ZNF410: variants seen among roughly 807,000 people sequenced by gnomAD.
The protein encoded by ZNF410 is another partner for ARF 1.
ZNF410 carries 18 observed loss-of-function variants against 54.8 expected under a neutral mutation model. That is an observed-to-expected ratio of 0.33 (90% CI 0.23 to 0.49). The LOEUF is 0.49. Ranked by LOEUF, ZNF410 falls within the 20% of genes least tolerant of loss-of-function variation. The pLI is 0.99. For missense variants in ZNF410, 405 were observed against 569.6 expected (o/e 0.71, Z 2.94); for synonymous variants, 191 against 207.3 (o/e 0.92, Z 0.68).
At chr14:73,900,895 G>T in intron 5 of ZNF410, among the ~76,000 whole-genome samples, 1 of 152,158 alleles carries the variant, frequency 6.6e-6, no homozygotes, top group East Asian at 1.9e-4. Flanking sequence ...TTTATGTGTG[G>T]TCCAAGACAT....
intron 5 of ZNF410, among the ~76,000 whole-genome samples, chr14:73,901,300 G>C (rs1273737790): frequency 6.6e-6 from 1 of 152,166 alleles, no homozygotes; most frequent in Non-Finnish European, 1.5e-5. Flanking sequence ...GCCGGGCGCA[G>C]TGGTTCACAC....
intron 1 of ZNF410, among the ~76,000 whole-genome samples, chr14:73,889,303 A>G (rs1443799012): frequency 6.6e-6 from 1 of 152,036 alleles, no homozygotes; most frequent in Non-Finnish European, 1.5e-5. Context: ...CCTCCCTAGT[A>G]GCTAGGACCA....
chr14:73,900,549 T>A (rs908809099), intron 5 of ZNF410, among the ~76,000 whole-genome samples: 3 of 151,920 alleles, frequency 2.0e-5, no homozygotes, highest in Non-Finnish European at 4.4e-5. Flanking sequence ...AATTTTTGTA[T>A]TTCTAGTAGA....
chr14:73,906,311 T>A (rs2055490034), intron 7 of ZNF410: 2 of 151,622 alleles, frequency 1.3e-5, no homozygotes, highest in Admixed American at 1.3e-4. Context: ...GCCTATACTT[T>A]TTTTTTTTAA....
Position 73,931,623 on chromosome 14 carries a change from C to G in ZNF410, c.*82C>G. 1 of 1,287,456 alleles carries G rather than the reference C, an allele frequency of 7.8e-7. No homozygotes were observed. Among genetic ancestry groups the G allele is most frequent in the South Asian group, 1.2e-5 (1 of 80,210 alleles). The allele number at this position is 1,287,456 out of a possible 1,614,324, so 79.8% of individuals were successfully genotyped here. A position where few individuals can be genotyped will look rare whatever the true frequency, so the allele number is the denominator to read the frequency against. The stretch of plus-strand genomic sequence containing the variant: ...GGGAACAGGATGCCTTAGCCCACAA[C>G]AGAACCAGAATGAATCTTTGAAGGC... On this transcript the variant is annotated 3_prime_UTR_variant, in exon 12 of 12. Coordinates refer to ENST00000555044, the MANE Select transcript of ZNF410 (RefSeq NM_021188.3).
rs1300201557 is a variant in ZNF410 at position 73,893,849 on chromosome 14, T to C, written c.86T>C (p.Val29Ala). The change falls in exon 3 of 12, where the codon GTA (valine) becomes GCA (alanine). Residue 29 changes from valine to alanine, a missense_variant. Val to Ala is a moderately conservative substitution (Grantham distance 64). Around this residue, in one of 3 missense-constraint regions of ZNF410, gnomAD observed 247 missense variants for 342.8 expected, o/e 0.72. Transcript: ENST00000555044. Reference protein sequence around the residue: ...NTSIPLGQGLVESEAKDITCL... With the variant: ...NTSIPLGQGLAESEAKDITCL... ...TCCATCCCATTGGGACAGGGGCTTG[T>C]AGAATCAGAAGCTAAAGATATTACT... is the stretch of plus-strand genomic sequence containing the variant. 1.9e-6 allele frequency: 3 copies of C among 1,614,146 alleles called. No homozygotes were observed. The highest frequency in any genetic ancestry group is 8.5e-7 in the Non-Finnish European group (1 of 1,180,016).
chr14:73,923,302 G>C (rs1398946552), intron 10 of ZNF410, 93 bp from the exon 11 acceptor site: 1 of 1,371,874 alleles, frequency 7.3e-7, no homozygotes. Flanking sequence ...TAGAGGAATA[G>C]AGTTTTAGAG....
intron 2 of ZNF410, 80 bp downstream of exon 2, chr14:73,892,288 C>T (rs2055242047): frequency 7.0e-7 from 1 of 1,438,720 alleles, no homozygotes; most frequent in African/African-American, 1.4e-5. Context: ...GGTCAGCAAA[C>T]TTTTTCTTTA....
At chr14:73,891,691 A>G (rs749431306) in intron 1 of ZNF410, among the ~76,000 whole-genome samples, 3 of 152,092 alleles carry the variant, frequency 2.0e-5, no homozygotes, top group Non-Finnish European at 2.9e-5. Context: ...GCCATATTTA[A>G]TCAACCATTC....
chr14:73,911,720 T>C (rs1302594576), intron 8 of ZNF410, among the ~76,000 whole-genome samples: 1 of 152,208 alleles, frequency 6.6e-6, no homozygotes, highest in East Asian at 1.9e-4. Flanking sequence ...ATGTTCAGTT[T>C]TTTCTACTTG....
chr14:73,901,761 CAA>C (rs902763178), intron 5 of ZNF410, among the ~76,000 whole-genome samples: 1 of 143,020 alleles, frequency 7.0e-6, no homozygotes, highest in Non-Finnish European at 1.5e-5. Context: ...CCCATCTCTA[CAA>C]AAAAAAAATA....
chr14:73,914,689 C>G (rs977975076), intron 8 of ZNF410: 1 of 136,736 alleles, frequency 7.3e-6, no homozygotes, highest in East Asian at 2.2e-4. Flanking sequence ...AGTGCAATGG[C>G]GTAATCTGGG....
chr14:73,932,051 A>G lies in ZNF410; in HGVS notation c.*510A>G, dbSNP rs749513187. On this transcript the variant is annotated 3_prime_UTR_variant, in exon 12 of 12. Transcript: ENST00000555044. ...CTCCCTTTAGCAACCTGAGTAAGAG[A>G]CTCTCTGCCACTGGGCTGCAAAAAA... 1 of 455,266 alleles carries G rather than the reference A, an allele frequency of 2.2e-6. No individual in the cohort carries two copies. Among genetic ancestry groups the G allele is most frequent in the Non-Finnish European group, 4.4e-6 (1 of 226,078 alleles). 28.2% of individuals were successfully genotyped at this position (455,266 alleles called of 1,614,324 possible).
At chr14:73,927,243 G>A (rs938881759) in intron 11 of ZNF410, 7 of 222,178 alleles carry the variant, frequency 3.2e-5, no homozygotes, top group Admixed American at 1.6e-4. Flanking sequence ...GTGCCACCAC[G>A]CCCGGCTGTA....
At chr14:73,891,957 A>C (rs890118085) in intron 1 of ZNF410, 70 bp from the exon 2 acceptor site, 15 of 663,084 alleles carry the variant, frequency 2.3e-5, no homozygotes, top group Non-Finnish European at 3.5e-5. Flanking sequence ...TATGTAAAGA[A>C]GTGTCTTTAT....
chr14:73,920,882 T>C (rs1457876136), intron 8 of ZNF410, 98 bp from the exon 9 acceptor site: 1 of 1,491,352 alleles, frequency 6.7e-7, no homozygotes, highest in African/African-American at 1.4e-5. Context: ...CAGCTGCTTA[T>C]GTTCAGTTTA....
Position 73,904,016 on chromosome 14 carries a change from C to A in ZNF410, c.637C>A (p.Pro213Thr). The A allele has an allele frequency of 6.2e-7, 1 of 1,614,174 alleles. No individual in the cohort carries two copies. Among genetic ancestry groups the A allele is most frequent in the Non-Finnish European group, 8.5e-7 (1 of 1,180,038 alleles). The change falls in exon 6 of 12, where the codon CCT (proline) becomes ACT (threonine). Residue 213 changes from proline (P) to threonine (T), a missense_variant. Coordinates refer to ENST00000555044, the MANE Select transcript of ZNF410 (RefSeq NM_021188.3). ...GCAGTCAAAAGATTCTGGGCCCCTT[C>A]CTCAAGTGGAAAAGAAGCTCAAGTG... is the stretch of plus-strand genomic sequence containing the variant. Reference protein sequence around the residue: ...DGQSKDSGPLPQVEKKLKCTV... With the variant: ...DGQSKDSGPLTQVEKKLKCTV...
At chr14:73,931,182 A>AT in intron 11 of ZNF410, among the ~76,000 whole-genome samples, 1 of 152,104 alleles carries the variant, frequency 6.6e-6, no homozygotes, top group Non-Finnish European at 1.5e-5. Flanking sequence ...TGGTTCCACC[A>AT]TTTCTGTTTT....
chr14:73,894,423 C>CG (rs1555352619), intron 3 of ZNF410: 1 of 532,866 alleles, frequency 1.9e-6, no homozygotes. Context: ...TACATACTTG[C>CG]TTTTTTTTTT....
Sources: gnomAD v4.1 joint callset for allele counts (sites outside exome capture counted in the v4.1 genomes callset) on GRCh38, gnomAD v4.1.1 for gene constraint, gnomAD v4.1.1 regional missense constraint, MANE v1.5 for transcripts, NCBI Gene and HGNC (gene_info 2026-07-23, HGNC 2026-07-21) for gene names.